The following SIPA1L2 variants were observed in gnomAD, a reference collection of about 807,000 sequenced individuals.
SIPA1L2 encodes the protein signal-induced proliferation-associated 1-like protein 2.
In SIPA1L2, 56 loss-of-function variants were observed where a neutral mutation model predicts 163.9. The observed-to-expected ratio is 0.34, with a 90% CI of 0.28 to 0.43. SIPA1L2 has a LOEUF of 0.43. SIPA1L2 is among the 20% of genes least tolerant of loss of function. The pLI is 1.00. For synonymous variants in SIPA1L2, 877 were observed against 865.7 expected (o/e 1.01, Z -0.23); for missense variants, 1,974 against 2,193.5 (o/e 0.90, Z 2.00).
At chr1:232,430,783 CAGA>C (rs1662185837) in intron 16 of SIPA1L2, among the ~76,000 whole-genome samples, 1 of 152,280 alleles carries the variant, frequency 6.6e-6, no homozygotes, top group Non-Finnish European at 1.5e-5. Context: ...CAGCTTAGGA[CAGA>C]AGAACTTCTA....
At chr1:232,413,200 C>T (rs1359038347) in intron 19 of SIPA1L2, among the ~76,000 whole-genome samples, 2 of 152,198 alleles carry the variant, frequency 1.3e-5, no homozygotes, top group African/African-American at 2.4e-5. Flanking sequence ...ATTAATTCAG[C>T]ACATGTCCAA....
intron 12 of SIPA1L2, among the ~76,000 whole-genome samples, chr1:232,442,746 C>G (rs1038841315): frequency 1.3e-5 from 2 of 152,016 alleles, no homozygotes; most frequent in Non-Finnish European, 2.9e-5. Flanking sequence ...ACTGTTTATA[C>G]AAAAAAGAAC....
intron 7 of SIPA1L2, among the ~76,000 whole-genome samples, chr1:232,477,361 C>G (rs2102961487): frequency 6.6e-6 from 1 of 152,262 alleles, no homozygotes; most frequent in Admixed American, 6.5e-5. Context: ...ATGCCTGGAA[C>G]TATTTTAAGT....
chr1:232,407,501 T>A (rs1202757300), intron 19 of SIPA1L2, among the ~76,000 whole-genome samples: 4 of 152,218 alleles, frequency 2.6e-5, no homozygotes, highest in Admixed American at 2.0e-4. Flanking sequence ...ACACAACAAA[T>A]TAAAGATACA....
intron 2 of SIPA1L2, among the ~76,000 whole-genome samples, chr1:232,569,353 A>G (rs908578415): frequency 6.6e-6 from 1 of 152,222 alleles, no homozygotes; most frequent in African/African-American, 2.4e-5. Context: ...ATCAAGCACC[A>G]GGACCCCTGA....
intron 1 of SIPA1L2, among the ~76,000 whole-genome samples, chr1:232,613,894 T>C (rs1484496374): frequency 1.3e-5 from 2 of 152,162 alleles, no homozygotes; most frequent in African/African-American, 2.4e-5. Flanking sequence ...CCCACAGGAT[T>C]TGAAGCAGAG....
chr1:232,427,674 T>G (rs1215849216), intron 17 of SIPA1L2, among the ~76,000 whole-genome samples: 1 of 152,216 alleles, frequency 6.6e-6, no homozygotes, highest in Non-Finnish European at 1.5e-5. Context: ...CTTAAGAGAT[T>G]GCAATAATAA....
chr1:232,584,004 CG>C (rs532913575), intron 1 of SIPA1L2, among the ~76,000 whole-genome samples: 2 of 152,164 alleles, frequency 1.3e-5, no homozygotes, highest in Non-Finnish European at 2.9e-5. Flanking sequence ...AAAACCTAAA[CG>C]TATTAACTCT....
intron 18 of SIPA1L2, among the ~76,000 whole-genome samples, chr1:232,422,190 CAGAAA>C (rs1661615805): frequency 6.6e-6 from 1 of 152,066 alleles, no homozygotes; most frequent in African/African-American, 2.4e-5. Flanking sequence ...AAAGGCAAGG[CAGAAA>C]TGTTTCAGAA....
At chr1:232,462,241 T>A (rs12142629) in intron 9 of SIPA1L2, 311,982 of 1,550,028 alleles carry the variant, frequency 0.2, 33,511 homozygotes, top group Non-Finnish European at 0.22. Flanking sequence ...TCATTAAGTA[T>A]CACCCGATGA....
At chr1:232,513,653 A>G (rs1443202244) in intron 3 of SIPA1L2, among the ~76,000 whole-genome samples, 1 of 152,190 alleles carries the variant, frequency 6.6e-6, no homozygotes, top group Non-Finnish European at 1.5e-5. Flanking sequence ...ACTACCCATA[A>G]ACAAAGGCAT....
At position 232,399,090 on chromosome 1, in the gene SIPA1L2, G is replaced by T. The variant is rs16856980; in HGVS notation, c.*37C>A. ...GTTTGTGACTTCAAAGGGACAAGGG[G>T]CATTTCCCAGTGGTCCCTTGATGAG... On this transcript the variant is annotated 3_prime_UTR_variant, in exon 23 of 23. Coordinates refer to ENST00000674635, the MANE Select transcript of SIPA1L2 (RefSeq NM_020808.5). The T allele has an allele frequency of 1.2e-6, 2 of 1,613,120 alleles. No homozygotes were observed. Among genetic ancestry groups the T allele is most frequent in the South Asian group, 2.2e-5 (2 of 91,010 alleles).
intron 22 of SIPA1L2, among the ~76,000 whole-genome samples, chr1:232,400,711 T>C (rs1389776594): frequency 6.6e-6 from 1 of 152,190 alleles, no homozygotes; most frequent in Non-Finnish European, 1.5e-5. Context: ...GTCATCTGTG[T>C]TGATGATTTC....
chr1:232,421,804 G>A (rs934770024), intron 18 of SIPA1L2, among the ~76,000 whole-genome samples: 3 of 152,118 alleles, frequency 2.0e-5, no homozygotes, highest in East Asian at 1.9e-4. Context: ...ACTTCAAGGG[G>A]CATTCTTTGT....
chr1:232,452,718 T>A (rs1380929501), intron 10 of SIPA1L2, among the ~76,000 whole-genome samples: 1 of 152,174 alleles, frequency 6.6e-6, no homozygotes, highest in Non-Finnish European at 1.5e-5. Context: ...TTCCATTTGT[T>A]CCCAACAGGA....
intron 1 of SIPA1L2, among the ~76,000 whole-genome samples, chr1:232,579,577 A>T (rs980279046): frequency 3.9e-5 from 6 of 152,342 alleles, no homozygotes; most frequent in Non-Finnish European, 8.8e-5. Flanking sequence ...CCATAAGGGA[A>T]TCCATAGAAT....
At chr1:232,456,052 A>T (rs1663895882) in intron 10 of SIPA1L2, among the ~76,000 whole-genome samples, 1 of 152,066 alleles carries the variant, frequency 6.6e-6, no homozygotes, top group East Asian at 1.9e-4. Flanking sequence ...CCCCCACGAC[A>T]CGTAATTTAC....
chr1:232,559,364 C>A (rs980815697), intron 2 of SIPA1L2, among the ~76,000 whole-genome samples: 1 of 152,212 alleles, frequency 6.6e-6, no homozygotes, highest in African/African-American at 2.4e-5. Context: ...CTAGACCCGG[C>A]ATGTAGAGTG....
chr1:232,530,227 G>C (rs1573034998), intron 2 of SIPA1L2, among the ~76,000 whole-genome samples: 4 of 151,846 alleles, frequency 2.6e-5, no homozygotes, highest in Admixed American at 2.6e-4. Context: ...CGATTCCCCC[G>C]CCCAGCCTCC....
Sources: allele counts gnomAD v4.1 joint callset (sites outside exome capture counted in the v4.1 genomes callset), GRCh38; gene constraint gnomAD v4.1.1; transcripts MANE v1.5; gene names NCBI Gene and HGNC (gene_info 2026-07-23, HGNC 2026-07-21).